Variants in ELP4 observed in about 807,000 individuals in gnomAD.
ELP4 encodes elongator acetyltransferase complex subunit 4, also known as elongator complex protein 4.
Under a neutral mutation model 48.9 loss-of-function variants are expected in ELP4, and 51 were observed. The observed-to-expected ratio is 1.04, with a 90% CI of 0.83 to 1.32. The LOEUF is 1.32. ELP4 is among the 40% of genes most tolerant of loss of function. The probability of loss-of-function intolerance (pLI) is 0.00; values close to 1 mark genes in which losing one functional copy is unlikely to be tolerated. For missense variants in ELP4, 519 were observed against 514.6 expected (o/e 1.01, Z -0.08); for synonymous variants, 210 against 189.2 (o/e 1.11, Z -0.90).
Position 31,783,530 on chromosome 11 carries a change from C to T in ELP4, c.*6C>T. The T allele has an allele frequency of 6.2e-7, 1 of 1,612,564 alleles. No homozygotes were observed. The highest frequency in any genetic ancestry group is 8.5e-7 in the Non-Finnish European group (1 of 1,179,204). On this transcript the variant is annotated 3_prime_UTR_variant, in exon 10 of 10. Transcript: ENST00000640961. ...AGAAGCACCTGGACTTCTAGGGATT[C>T]CTCCTTAGTCGCTGCATGCAGAATT... is the stretch of plus-strand genomic sequence containing the variant.
intron 9 of ELP4, among the ~76,000 whole-genome samples, chr11:31,682,835 G>A (rs990409744): frequency 5.9e-5 from 9 of 152,114 alleles, no homozygotes; most frequent in Admixed American, 6.5e-5. Flanking sequence ...TATTTGAGTT[G>A]CATCTTGAAA....
At chr11:31,670,234 A>G (rs1253475732) in intron 9 of ELP4, among the ~76,000 whole-genome samples, 2 of 152,178 alleles carry the variant, frequency 1.3e-5, no homozygotes, top group African/African-American at 2.4e-5. Context: ...AGGATGACTA[A>G]TTAAGGCCAA....
At chr11:31,623,171 G>A (rs1944657831) in intron 5 of ELP4, among the ~76,000 whole-genome samples, 1 of 150,230 alleles carries the variant, frequency 6.7e-6, no homozygotes, top group Admixed American at 6.7e-5. Context: ...TTTGTTGAAT[G>A]TTTGGAAACA....
At position 31,603,750 on chromosome 11, in the gene ELP4, T is replaced by C. The variant is rs1554964040; in HGVS notation, c.514-18T>C. Reference sequence around the variant, plus strand: ...AAAAATAATTGTTTAACAACCACTATGGGGTTTATTTTAGCAGATTGGACC... The same window carrying C: ...AAAAATAATTGTTTAACAACCACTACGGGGTTTATTTTAGCAGATTGGACC... On this transcript the variant is annotated intron_variant, in intron 4 of 9. Coordinates refer to ENST00000640961, the MANE Select transcript of ELP4 (RefSeq NM_019040.5). 2 of 1,602,680 alleles carry C rather than the reference T, an allele frequency of 1.2e-6. No individual in the cohort carries two copies. The highest frequency in any genetic ancestry group is 2.2e-5 in the South Asian group (2 of 88,926).
chr11:31,779,295 C>A (rs1466166804), intron 9 of ELP4, among the ~76,000 whole-genome samples: 1 of 152,124 alleles, frequency 6.6e-6, no homozygotes, highest in African/African-American at 2.4e-5. Flanking sequence ...TGAGTATTTA[C>A]CTGCAATTTG....
In ELP4 at chr11:31,603,843, G is replaced by T; in HGVS notation, c.589G>T (p.Ala197Ser). ...SKRMPQELIE[A>S]SNWHGFFLPE... is the part of the protein sequence containing the mutation. ...AAGAATGCCACAAGAACTAATTGAG[G>T]CTTCAAATTGGCATGGATTTTTTCT... is the stretch of plus-strand genomic sequence containing the variant. Residue 197 changes from alanine (A) to serine (S), a missense_variant, in exon 5 of 10, where the codon GCT (alanine) becomes TCT (serine). Physicochemically the swap from Ala to Ser is moderately conservative, Grantham distance 99. Coordinates refer to ENST00000640961, the MANE Select transcript of ELP4 (RefSeq NM_019040.5). 1 of 1,611,174 alleles carries T rather than the reference G, an allele frequency of 6.2e-7. No homozygotes were observed. The highest frequency in any genetic ancestry group is 8.5e-7 in the Non-Finnish European group (1 of 1,178,146).
intron 9 of ELP4, among the ~76,000 whole-genome samples, chr11:31,761,429 A>C (rs1046634254): frequency 2.6e-5 from 4 of 152,128 alleles, no homozygotes; most frequent in Admixed American, 1.3e-4. Context: ...TTAATATTTT[A>C]AGTTGGAGGA....
At chr11:31,747,158 A>T (rs1171042552) in intron 9 of ELP4, among the ~76,000 whole-genome samples, 1 of 152,172 alleles carries the variant, frequency 6.6e-6, no homozygotes, top group Non-Finnish European at 1.5e-5. Context: ...ATGAACTTAC[A>T]GTCAAATAGG....
intron 9 of ELP4, among the ~76,000 whole-genome samples, chr11:31,667,252 C>A (rs1261604330): frequency 6.6e-6 from 1 of 152,152 alleles, no homozygotes; most frequent in African/African-American, 2.4e-5. Context: ...TTCTCATTAT[C>A]CATTACTTTT....
At chr11:31,623,391 A>ATATATATATATATATATATATAT (rs1944668599) in intron 5 of ELP4, among the ~76,000 whole-genome samples, 1 of 61,654 alleles carries the variant, frequency 1.6e-5, no homozygotes, top group Non-Finnish European at 3.4e-5. Flanking sequence ...ATATATATAT[A>ATATATATATATATATATATATAT]AAACTAGAAA....
intron 9 of ELP4, among the ~76,000 whole-genome samples, chr11:31,661,971 TTATTGAAGAATCATCC>T (rs1370508470): frequency 6.6e-6 from 1 of 152,048 alleles, no homozygotes; most frequent in Admixed American, 6.6e-5. Flanking sequence ...GGACTAATCC[TTATTGAAGAATCATCC>T]TATTGACCTC....
intron 2 of ELP4, among the ~76,000 whole-genome samples, chr11:31,530,853 A>G (rs748204790): frequency 6.6e-6 from 1 of 152,142 alleles, no homozygotes; most frequent in African/African-American, 2.4e-5. Flanking sequence ...TAAGTCCCCA[A>G]ACTGAATATA....
chr11:31,627,296 A>G, intron 6 of ELP4, 102 bp downstream of exon 6: 1 of 656,544 alleles, frequency 1.5e-6, no homozygotes, highest in South Asian at 2.3e-5. Context: ...AATAATAAAC[A>G]GTGAACAAGC....
intron 9 of ELP4, among the ~76,000 whole-genome samples, chr11:31,773,451 C>T (rs913690709): frequency 6.6e-6 from 1 of 152,134 alleles, no homozygotes; most frequent in Non-Finnish European, 1.5e-5. Flanking sequence ...AATTGGGAGA[C>T]CACCACTGGA....
intron 9 of ELP4, among the ~76,000 whole-genome samples, chr11:31,740,696 A>G (rs1307110085): frequency 6.6e-6 from 1 of 152,240 alleles, no homozygotes; most frequent in Non-Finnish European, 1.5e-5. Flanking sequence ...AACAAATGTG[A>G]AACAGGAAAA....
chr11:31,653,325 G>C lies in ELP4; in HGVS notation c.1143+3104G>C, dbSNP rs563464895. ...GCTTTCCAATTCTTTGAAAACTGGTGACTCTTATAAGCTATATATAGTAAC... is the reference window on the plus strand; with the variant it reads ...GCTTTCCAATTCTTTGAAAACTGGTCACTCTTATAAGCTATATATAGTAAC... On this transcript the variant is annotated intron_variant, in intron 9 of 9. Coordinates refer to ENST00000640961, the MANE Select transcript of ELP4 (RefSeq NM_019040.5). 156 of 151,770 alleles carry C rather than the reference G, an allele frequency of 1.0e-3. 1 individual carries two copies. Among genetic ancestry groups the C allele is most frequent in the African/African-American group, 3.3e-3 (135 of 41,510 alleles). 9.4% of individuals were successfully genotyped at this position (151,770 alleles called of 1,614,324 possible).
intron 1 of ELP4, among the ~76,000 whole-genome samples, chr11:31,517,818 C>T (rs1164307695): frequency 2.0e-5 from 3 of 151,940 alleles, no homozygotes; most frequent in Admixed American, 2.0e-4. Context: ...CTGGATTTCA[C>T]TATGTTGGCC....
chr11:31,754,771 G>A (rs759408069), intron 9 of ELP4, among the ~76,000 whole-genome samples: 4 of 152,022 alleles, frequency 2.6e-5, no homozygotes, highest in African/African-American at 4.8e-5. Context: ...ACTCAGGAGG[G>A]TGAGGCAGGA....
At chr11:31,553,879 G>A (rs1266276501) in intron 3 of ELP4, among the ~76,000 whole-genome samples, 1 of 152,074 alleles carries the variant, frequency 6.6e-6, no homozygotes, top group Non-Finnish European at 1.5e-5. Flanking sequence ...CTCACAGCAG[G>A]AGGTGAGCAG....
Sources: allele counts gnomAD v4.1 joint callset (sites outside exome capture counted in the v4.1 genomes callset), GRCh38; gene constraint gnomAD v4.1.1; transcripts MANE v1.5; gene names NCBI Gene and HGNC (gene_info 2026-07-23, HGNC 2026-07-21).